Variants in COMT observed in about 807,000 individuals in gnomAD.
COMT encodes the protein catechol-O-methyltransferase.
A neutral mutation model predicts 18.9 loss-of-function variants in COMT; 13 were observed. The ratio of observed to expected loss-of-function variants is 0.69; its 90% CI spans 0.45 to 1.09. The LOEUF (loss-of-function observed/expected upper bound fraction) is 1.09. Ranked by LOEUF, COMT falls within the 50% of genes least tolerant of loss-of-function variation. The pLI is 0.00. For missense variants in COMT, 329 were observed against 361.8 expected (o/e 0.91, Z 0.73); for synonymous variants, 150 against 160.9 (o/e 0.93, Z 0.51).
intron 1 of COMT, among the ~76,000 whole-genome samples, chr22:19,959,755 T>G (rs540997481): frequency 6.6e-6 from 1 of 152,096 alleles, no homozygotes; most frequent in Non-Finnish European, 1.5e-5. Context: ...CATTGTGGCC[T>G]GGGCGTGTTG....
intron 1 of COMT, chr22:19,950,925 T>G (rs1013300829): frequency 8.5e-5 from 13 of 152,152 alleles, no homozygotes. Context: ...TCAGCAGGGC[T>G]CCAGTAAGAC....
Position 19,955,703 on chromosome 22 carries a change from A to C in COMT, c.-91-5496A>C, listed in dbSNP as rs1006899308. On this transcript the variant is annotated intron_variant, in intron 1 of 5. Transcript: ENST00000361682. Reference sequence around the variant, plus strand: ...CCCCGACTGGGCCACCAGCCCTGTGAGGGCAGGATGAGGCACGTCCAAGCC... The same window carrying C: ...CCCCGACTGGGCCACCAGCCCTGTGCGGGCAGGATGAGGCACGTCCAAGCC... 2.6e-5 allele frequency among the ~76,000 whole-genome samples: 4 copies of C among 152,238 alleles called. No individual in the cohort carries two copies. In the South Asian group the frequency reaches 6.2e-4, roughly 24 times the overall value.
chr22:19,958,289 C>T (rs1942110058), intron 1 of COMT, among the ~76,000 whole-genome samples: 1 of 151,594 alleles, frequency 6.6e-6, no homozygotes, highest in Non-Finnish European at 1.5e-5. Flanking sequence ...CTCAGCCTCC[C>T]AAGTATCTGG....
In COMT at chr22:19,969,258, G is replaced by A. The variant is rs165599; in HGVS notation, c.*522G>A. On this transcript the variant is annotated 3_prime_UTR_variant, in exon 6 of 6. Coordinates refer to ENST00000361682, the MANE Select transcript of COMT (RefSeq NM_000754.4). ...TGTTAGCCCCATGGGGACGACTGCC[G>A]GCCTGGGAAACGAAGAGGAGTCAGC... 0.56 allele frequency: 86,532 copies of A among 154,512 alleles called. 26,317 individuals carry two copies. The highest frequency in any genetic ancestry group is 0.69 in the Non-Finnish European group (48,194 of 69,594). 9.6% of individuals were successfully genotyped at this position (154,512 alleles called of 1,614,324 possible).
intron 1 of COMT, among the ~76,000 whole-genome samples, chr22:19,956,995 G>A (rs1316786293): frequency 6.7e-6 from 1 of 149,920 alleles, no homozygotes; most frequent in Non-Finnish European, 1.5e-5. Flanking sequence ...CTGTTACCCA[G>A]GCTGGAGTGC....
chr22:19,949,332 G>A (rs1941890042), intron 1 of COMT, among the ~76,000 whole-genome samples: 1 of 152,052 alleles, frequency 6.6e-6, no homozygotes, highest in African/African-American at 2.4e-5. Flanking sequence ...ATAGAAACAG[G>A]GTTTCATCAT....
In COMT at chr22:19,964,780, T is replaced by C. The variant is rs552514363; in HGVS notation, c.615+481T>C. ...CAGCCCCACTGGCGAGGACCCTGAG[T>C]GCCCCGAGTGAGGCTAGACAGCGGG... On this transcript the variant is annotated intron_variant, in intron 5 of 5. Coordinates refer to ENST00000361682, the MANE Select transcript of COMT (RefSeq NM_000754.4). The C allele has an allele frequency of 4.3e-5, 16 of 368,086 alleles. No individual in the cohort carries two copies. In the Middle Eastern group the frequency reaches 5.1e-3, roughly 118 times the overall value. 22.8% of individuals were successfully genotyped at this position (368,086 alleles called of 1,614,324 possible).
intron 5 of COMT, chr22:19,965,405 G>C (rs138764374): frequency 6.6e-6 from 1 of 152,130 alleles, no homozygotes; most frequent in South Asian, 2.1e-4. Flanking sequence ...GCAGTGGCAC[G>C]ATCACGGCTC....
In COMT at chr22:19,968,730, GC is replaced by G. The variant is rs1343516958; in HGVS notation, c.813del (p.Ter272AspfsTer17). ...ACAAGGGCCCAGGCAGCGAAGCAGG[GC>G]CCTGACTGCCCCCCCGGCCCCCCTC... is the stretch of plus-strand genomic sequence containing the variant. ...IYKGPGSEAG[P>X] On this transcript the variant is annotated frameshift_variant, in exon 6 of 6. Coordinates refer to ENST00000361682, the MANE Select transcript of COMT (RefSeq NM_000754.4). LOFTEE classifies it high-confidence loss of function. 6.3e-7 allele frequency: 1 copy of G among 1,578,594 alleles called. No individual in the cohort carries two copies. Among genetic ancestry groups the G allele is most frequent in the Admixed American group, 1.8e-5 (1 of 56,076 alleles).
At chr22:19,964,519 G>A in intron 5 of COMT, 1 of 714,102 alleles carries the variant, frequency 1.4e-6, no homozygotes, top group East Asian at 2.7e-5. Context: ...TGGGTGGCCT[G>A]TTGGGAACTG....
At chr22:19,956,663 A>C (rs1234635004) in intron 1 of COMT, among the ~76,000 whole-genome samples, 1 of 152,148 alleles carries the variant, frequency 6.6e-6, no homozygotes, top group Non-Finnish European at 1.5e-5. Flanking sequence ...GGCGTAAGCC[A>C]CCACACCAGG....
chr22:19,951,212 A>G (rs1008778793), intron 1 of COMT, among the ~76,000 whole-genome samples: 2 of 152,042 alleles, frequency 1.3e-5, no homozygotes, highest in Non-Finnish European at 2.9e-5. Context: ...ACAAAAAATT[A>G]GCCGGGCGTT....
chr22:19,962,491 A>C (rs1601526751), intron 2 of COMT, 36 bp from the exon 3 acceptor site: 2 of 1,549,724 alleles, frequency 1.3e-6, no homozygotes, highest in South Asian at 2.4e-5. Context: ...CAGGAGGAGC[A>C]CAGAGCACTG....
At chr22:19,945,114 T>C (rs1277884584) in intron 1 of COMT, among the ~76,000 whole-genome samples, 1 of 152,240 alleles carries the variant, frequency 6.6e-6, no homozygotes, top group East Asian at 1.9e-4. Flanking sequence ...GATTGAGCTT[T>C]TTAAAGCCTT....
chr22:19,954,926 G>A (rs1471322501), intron 1 of COMT, among the ~76,000 whole-genome samples: 3 of 152,170 alleles, frequency 2.0e-5, no homozygotes, highest in Non-Finnish European at 4.4e-5. Flanking sequence ...TCTTGTACTG[G>A]GGGTTATGAG....
At chr22:19,954,546 G>C (rs145133053) in intron 1 of COMT, among the ~76,000 whole-genome samples, 1 of 152,116 alleles carries the variant, frequency 6.6e-6, no homozygotes, top group Non-Finnish European at 1.5e-5. Context: ...TCCACCTCCC[G>C]AGTTCTAGCG....
chr22:19,949,693 G>T (rs1296614719), intron 1 of COMT, among the ~76,000 whole-genome samples: 1 of 151,912 alleles, frequency 6.6e-6, no homozygotes, highest in African/African-American at 2.4e-5. Flanking sequence ...GAACTCCCGG[G>T]CTCAAGTAAT....
chr22:19,952,634 G>A (rs534063507), intron 1 of COMT, among the ~76,000 whole-genome samples: 22 of 147,630 alleles, frequency 1.5e-4, no homozygotes, highest in African/African-American at 2.5e-4. Flanking sequence ...GCAAGACTCC[G>A]TCTCAAAACA....
intron 1 of COMT, among the ~76,000 whole-genome samples, chr22:19,952,682 G>T (rs1469946549): frequency 6.7e-6 from 1 of 150,124 alleles, no homozygotes; most frequent in East Asian, 2.0e-4. Flanking sequence ...GCCGAGCGCA[G>T]TGGCTCACGC....
Sources: allele counts gnomAD v4.1 joint callset (sites outside exome capture counted in the v4.1 genomes callset), GRCh38; gene constraint gnomAD v4.1.1; transcripts MANE v1.5; gene names NCBI Gene and HGNC (gene_info 2026-07-23, HGNC 2026-07-21).